Variants in EFHB observed in about 807,000 individuals in gnomAD.
The protein encoded by EFHB is EF-hand domain-containing family member B.
A neutral mutation model predicts 87.2 loss-of-function variants in EFHB; 91 were observed. The ratio of observed to expected loss-of-function variants is 1.04; its 90% CI spans 0.88 to 1.24. EFHB has a LOEUF of 1.24. Ranked by LOEUF, EFHB falls within the 50% of genes most tolerant of loss-of-function variation. EFHB has a pLI of 0.00. For synonymous variants in EFHB, 325 were observed against 333.6 expected (o/e 0.97, Z 0.28); for missense variants, 1,084 against 998.8 (o/e 1.09, Z -1.15).
upstream of EFHB, chr3:19,936,124 T>G: frequency 7.4e-6 from 11 of 1,484,318 alleles, no homozygotes; most frequent in Non-Finnish European, 9.8e-6. Context: ...TGTAGGGGTC[T>G]GGACATAGTC....
intron 1 of EFHB, among the ~76,000 whole-genome samples, chr3:19,923,940 T>C (rs1695525995): frequency 6.6e-6 from 1 of 152,304 alleles, no homozygotes; most frequent in East Asian, 1.9e-4. Flanking sequence ...TGTTTTAATA[T>C]GTACTGATGA....
intron 10 of EFHB, 103 bp from the exon 11 acceptor site, chr3:19,884,718 A>C (rs1308217063): frequency 4.4e-6 from 5 of 1,138,210 alleles, no homozygotes; most frequent in East Asian, 2.4e-5. Context: ...TCTTCTTGCT[A>C]ATGGAAACAG....
At chr3:19,934,929 G>C (rs187936812), upstream of EFHB, among the ~76,000 whole-genome samples, 4,355 of 134,904 alleles carry the variant, frequency 0.032, 208 homozygotes, top group African/African-American at 0.11. Flanking sequence ...TTTTTTTTTT[G>C]AGATGGAGTC....
chr3:19,909,355 A>G (rs1575021578), intron 5 of EFHB, among the ~76,000 whole-genome samples: 1 of 152,108 alleles, frequency 6.6e-6, no homozygotes, highest in African/African-American at 2.4e-5. Context: ...CCGTCCCCAG[A>G]GGCAGCATTT....
intron 9 of EFHB, among the ~76,000 whole-genome samples, chr3:19,890,367 A>G (rs1694263801): frequency 6.6e-6 from 1 of 152,198 alleles, no homozygotes; most frequent in South Asian, 2.1e-4. Context: ...GCATCTGTTC[A>G]GTGGGGTGAG....
chr3:19,905,492 T>C, intron 6 of EFHB, 128 bp downstream of exon 6: 1 of 1,093,358 alleles, frequency 9.1e-7, no homozygotes, highest in Non-Finnish European at 1.3e-6. Flanking sequence ...TTTTTCTATT[T>C]TTTTCTAGTC....
At chr3:19,886,689 A>G (rs1177529209) in intron 10 of EFHB, among the ~76,000 whole-genome samples, 1 of 150,712 alleles carries the variant, frequency 6.6e-6, no homozygotes, top group East Asian at 1.9e-4. Context: ...AAAAAAAAAA[A>G]AAAAAAAAAA....
chr3:19,944,201 C>T (rs1475106096), intron 1 of EFHB, among the ~76,000 whole-genome samples: 1 of 152,192 alleles, frequency 6.6e-6, no homozygotes, highest in African/African-American at 2.4e-5. Flanking sequence ...CATTCATTAT[C>T]ATCTATGCAA....
chr3:19,882,044 TA>T (rs1559441281), intron 12 of EFHB, among the ~76,000 whole-genome samples: 11 of 143,028 alleles, frequency 7.7e-5, no homozygotes, highest in African/African-American at 3.0e-4. Flanking sequence ...AATAAATAAA[TA>T]AATAAATAAA....
chr3:19,912,021 G>C (rs1341790417), intron 5 of EFHB, among the ~76,000 whole-genome samples: 2 of 151,870 alleles, frequency 1.3e-5, no homozygotes, highest in Non-Finnish European at 2.9e-5. Context: ...AAAGAGATAG[G>C]AGTAGAAAGT....
At chr3:19,885,095 G>A (rs1023781802) in intron 10 of EFHB, among the ~76,000 whole-genome samples, 2 of 151,852 alleles carry the variant, frequency 1.3e-5, no homozygotes, top group Non-Finnish European at 1.5e-5. Flanking sequence ...GGTGGCAGGC[G>A]CCTGTAACCC....
intron 5 of EFHB, among the ~76,000 whole-genome samples, chr3:19,908,261 A>T (rs1694905635): frequency 6.6e-6 from 1 of 152,146 alleles, no homozygotes; most frequent in Admixed American, 6.6e-5. Context: ...GGCTGGGCGC[A>T]GTGGCTCACG....
chr3:19,886,257 T>TA (rs753930441), intron 10 of EFHB, among the ~76,000 whole-genome samples: 9 of 152,238 alleles, frequency 5.9e-5, no homozygotes, highest in Admixed American at 2.0e-4. Context: ...GTGGATAGAA[T>TA]AGAAAGGCTA....
At chr3:19,897,115 G>A (rs1047386021) in intron 8 of EFHB, among the ~76,000 whole-genome samples, 1 of 152,176 alleles carries the variant, frequency 6.6e-6, no homozygotes, top group Non-Finnish European at 1.5e-5. Context: ...GCACTCAACT[G>A]TCAAGTCTTT....
upstream of EFHB, among the ~76,000 whole-genome samples, chr3:19,934,431 TG>T (rs1695958790): frequency 1.5e-5 from 1 of 67,808 alleles, no homozygotes; most frequent in South Asian, 6.0e-4. Flanking sequence ...TCCTCTCCTT[TG>T]CCCTCTCCCT....
At chr3:19,908,588 GAGAGAGAGAGAGAAAGAA>G (rs1172709259) in intron 5 of EFHB, among the ~76,000 whole-genome samples, 46 of 121,754 alleles carry the variant, frequency 3.8e-4, no homozygotes, top group African/African-American at 5.9e-4. Context: ...GAGAGAGAGA[GAGAGAGAGAGAGAAAGAA>G]AGAAAGAAAG....
At chr3:19,882,991 C>CA (rs2071719663) in intron 11 of EFHB, among the ~76,000 whole-genome samples, 1 of 151,666 alleles carries the variant, frequency 6.6e-6, no homozygotes, top group Middle Eastern at 3.4e-3. Flanking sequence ...TTTAACATGA[C>CA]TTTTTTTTCT....
chr3:19,926,178 G>C (rs1695616101), intron 1 of EFHB, among the ~76,000 whole-genome samples: 1 of 152,096 alleles, frequency 6.6e-6, no homozygotes, highest in South Asian at 2.1e-4. Flanking sequence ...TATAGAACAG[G>C]AAAAAGCAAG....
In EFHB at chr3:19,933,435, C is replaced by A. The variant is rs147227672; in HGVS notation, c.584G>T (p.Gly195Val). 6.2e-7 allele frequency: 1 copy of A among 1,613,882 alleles called. No individual in the cohort carries two copies. The highest frequency in any genetic ancestry group is 1.3e-5 in the African/African-American group (1 of 74,930). The part of the protein sequence containing the change: ...EIKLPVEVDI[G>V]LTQAEGPDET... ...ATCTGGCCCCTCGGCTTGGGTTAGTCCAATGTCCACCTCCACAGGAAGCTT... is the reference window on the plus strand; with the variant it reads ...ATCTGGCCCCTCGGCTTGGGTTAGTACAATGTCCACCTCCACAGGAAGCTT... The change falls in exon 1 of 13, where the codon GGA becomes GTA. Residue 195 changes from glycine to valine, a missense_variant. Transcript: ENST00000295824.
Sources: gnomAD v4.1 joint callset for allele counts (sites outside exome capture counted in the v4.1 genomes callset) on GRCh38, gnomAD v4.1.1 for gene constraint, MANE v1.5 for transcripts, NCBI Gene and HGNC (gene_info 2026-07-23, HGNC 2026-07-21) for gene names.